RYR1: variants seen among roughly 807,000 people sequenced by gnomAD.
The protein encoded by RYR1 is ryanodine receptor 1, also known as central core disease of muscle.
In RYR1, 342 loss-of-function variants were observed where a neutral mutation model predicts 583.5. The ratio of observed to expected loss-of-function variants is 0.59; its 90% CI spans 0.54 to 0.64. RYR1 has a LOEUF of 0.64. RYR1 is among the 30% of genes least tolerant of loss of function. RYR1 has a pLI of 0.00. For missense variants in RYR1, 6,032 were observed against 6,917.2 expected, an observed-to-expected ratio of 0.87 and a Z score of 4.54; for synonymous variants, 2,791 against 2,822.5, an observed-to-expected ratio of 0.99 and a Z score of 0.35.
At chr19:38,477,078 A>G (rs113316384) in intron 29 of RYR1, among the ~76,000 whole-genome samples, 31 of 152,238 alleles carry the variant, frequency 2.0e-4, no homozygotes, top group African/African-American at 7.0e-4. Context: ...AAGAAGAAGA[A>G]GAAGGAAAGA....
chr19:38,547,710 A>G (rs1601001628), intron 88 of RYR1, among the ~76,000 whole-genome samples: 1 of 145,364 alleles, frequency 6.9e-6, no homozygotes, highest in Non-Finnish European at 1.5e-5. Context: ...AGCGTACATC[A>G]TCATTATCTT....
chr19:38,508,603 G>A (rs1318527132), intron 58 of RYR1, among the ~76,000 whole-genome samples: 1 of 152,224 alleles, frequency 6.6e-6, no homozygotes, highest in Admixed American at 6.5e-5. Context: ...GAGAGGAGCT[G>A]TGTGGACCTC....
rs34097444 is a variant in RYR1, at chr19:38,459,219, G to A, written c.2241G>A (p.Leu747=). 1,442 of 1,614,166 alleles carry A rather than the reference G, an allele frequency of 8.9e-4. 11 individuals are homozygous for A. In the African/African-American group the frequency reaches 0.015, roughly 17 times the overall value. The change falls in exon 19 of 106, where the codon CTG becomes CTA. Residue 747 remains leucine (L), a synonymous_variant. Transcript: ENST00000359596. The stretch of plus-strand genomic sequence containing the variant: ...CTGAAGACGTGATCAGCTGCTGCCT[G>A]GACCTCAGCGTGCCGTCCATCTCCT... ...LAPEDVISCC[L]DLSVPSISFR... is the part of the protein sequence containing the mutation.
At position 38,537,894 on chromosome 19, in the gene RYR1, G is replaced by A. The variant is rs764309886; in HGVS notation, c.11623G>A (p.Ala3875Thr). ...INRQNGEKVM[A>T]DDEFTQDLFR... The stretch of plus-strand genomic sequence containing the variant: ...CTTCCACCTAGGAGAGAAGGTCATG[G>A]CGGATGATGAATTCACACAAGACCT... Residue 3875 changes from alanine to threonine, a missense_variant, in exon 84 of 106, where the codon GCG (alanine) becomes ACG (threonine). Physicochemically the swap from Ala to Thr is moderately conservative, Grantham distance 58. This residue lies in a region of RYR1 where 1,493 missense variants were observed against 1,715.5 expected (regional missense o/e 0.87). Transcript: ENST00000359596. 9 of 1,614,064 alleles carry A rather than the reference G, an allele frequency of 5.6e-6. No homozygotes were observed. The highest frequency in any genetic ancestry group is 7.6e-6 in the Non-Finnish European group (9 of 1,180,032).
At chr19:38,523,814 G>T in intron 69 of RYR1, 101 bp from the exon 70 acceptor site, 1 of 1,475,638 alleles carries the variant, frequency 6.8e-7, no homozygotes, top group Non-Finnish European at 9.5e-7. Context: ...ATGGCGGGTG[G>T]GGCAGAGGAG....
Position 38,528,685 on chromosome 19 carries a change from A to G in RYR1, c.11024A>G (p.Asp3675Gly). ...EDHSFEDRMI[D>G]DLSKAGEQEE... ...CACAGTTTTGAGGACCGCATGATAG[A>G]TGACCTTTCAGTGAGCTGGGACCCG... The change falls in exon 75 of 106, where the codon GAT (aspartate) becomes GGT (glycine). Residue 3675 changes from aspartate (D) to glycine (G), a missense_variant. Transcript: ENST00000359596. The G allele has an allele frequency of 6.2e-7, 1 of 1,614,140 alleles. No homozygotes were observed. Among genetic ancestry groups the G allele is most frequent in the Non-Finnish European group, 8.5e-7 (1 of 1,180,016 alleles).
rs773434736 is a variant in RYR1, at chr19:38,468,922, C to G, written c.3382-44C>G. 22 of 1,599,878 alleles carry G rather than the reference C, an allele frequency of 1.4e-5. No individual in the cohort carries two copies. The East Asian group carries it at 4.2e-4, about 31-fold the overall frequency. The stretch of plus-strand genomic sequence containing the variant: ...CCTGCTTCCTTATCTCTCCATTTCT[C>G]TGTGTGTCTCCCCACACCATGTCTT... On this transcript the variant is annotated intron_variant, in intron 25 of 105. Coordinates refer to ENST00000359596, the MANE Select transcript of RYR1 (RefSeq NM_000540.3).
At chr19:38,477,061 G>GA (rs1379041157) in intron 29 of RYR1, among the ~76,000 whole-genome samples, 1 of 149,782 alleles carries the variant, frequency 6.7e-6, no homozygotes, top group Non-Finnish European at 1.5e-5. Context: ...AATAAGGAAA[G>GA]AAAAAAAAGA....
In RYR1 at chr19:38,452,117, C is replaced by T. The variant is rs948965322; in HGVS notation, c.1244+232C>T. ...CAGCCTGGGCAGCATAGGGAGACCC[C>T]GCCTCTACCAAAAAAAAAAAAAAAA... On this transcript the variant is annotated intron_variant, in intron 12 of 105. Coordinates refer to ENST00000359596, the MANE Select transcript of RYR1 (RefSeq NM_000540.3). Among the ~76,000 whole-genome samples, 13 of 134,160 alleles carry T rather than the reference C, an allele frequency of 9.7e-5. No individual in the cohort carries two copies. In the East Asian group the frequency reaches 1.5e-3, roughly 15 times the overall value. The allele number at this position is 134,160 out of a possible 152,430, so 88.0% of individuals were successfully genotyped here.
At position 38,577,907 on chromosome 19, in the gene RYR1, C is replaced by G. The variant is rs759415568; in HGVS notation, c.14173-11C>G. The stretch of plus-strand genomic sequence containing the variant: ...AGCTGTGTCTACACAGCCTGATGCT[C>G]TCTTGTGCAGGTCCTGGACAAACAT... On this transcript the variant is annotated splice_polypyrimidine_tract_variant and intron_variant, in intron 97 of 105. Transcript: ENST00000359596. The G allele has an allele frequency of 2.5e-6, 4 of 1,614,092 alleles. No individual in the cohort carries two copies. Among genetic ancestry groups the G allele is most frequent in the East Asian group, 4.5e-5 (2 of 44,880 alleles).
At position 38,510,729 on chromosome 19, in the gene RYR1, G is replaced by A. The variant is rs759007399; in HGVS notation, c.9070G>A (p.Val3024Met). ...CTATTTCTTGTCCACTCCGGCTAAA[G>A]TGCTGGGCAGCGGTGGCCACGCCTC... is the stretch of plus-strand genomic sequence containing the variant. ...CLYFLSTPAK[V>M]LGSGGHASNK... Residue 3024 changes from valine to methionine, a missense_variant, in exon 60 of 106, where the codon GTG (valine) becomes ATG (methionine). Physicochemically the swap from Val to Met is conservative, Grantham distance 21 (BLOSUM62 1). Coordinates refer to ENST00000359596, the MANE Select transcript of RYR1 (RefSeq NM_000540.3). 6.8e-6 allele frequency: 11 copies of A among 1,613,992 alleles called. No homozygotes were observed. The African/African-American group carries it at 8.0e-5, about 12-fold the overall frequency.
At chr19:38,535,261 A>G (rs1194924466) in intron 80 of RYR1, 41 bp downstream of exon 80, 2 of 1,613,418 alleles carry the variant, frequency 1.2e-6, no homozygotes, top group African/African-American at 2.7e-5. Flanking sequence ...GCAAGGAGGG[A>G]TGAGAGGTTC....
intron 63 of RYR1, 91 bp from the exon 64 acceptor site, chr19:38,514,935 A>AC: frequency 1.2e-6 from 1 of 836,378 alleles, no homozygotes; most frequent in Non-Finnish European, 2.0e-6. Context: ...GCTCTTCCCC[A>AC]CTGCATGGGC....
At chr19:38,443,670 G>A (rs556659687) in intron 4 of RYR1, 38 bp downstream of exon 4, 5 of 1,613,746 alleles carry the variant, frequency 3.1e-6, no homozygotes, top group Non-Finnish European at 4.2e-6. Context: ...AGGGGCCAGG[G>A]CATGTGGGGC....
chr19:38,464,278 G>GAAAAAAAAAAA (rs547288253), intron 22 of RYR1, among the ~76,000 whole-genome samples: 21 of 64,242 alleles, frequency 3.3e-4, no homozygotes, highest in Non-Finnish European at 4.6e-4. Flanking sequence ...CACCGTTTCA[G>GAAAAAAAAAAA]AAAAAAAAAA....
chr19:38,515,497 T>G (rs1371639919), intron 64 of RYR1, among the ~76,000 whole-genome samples: 3 of 152,170 alleles, frequency 2.0e-5, no homozygotes, highest in Non-Finnish European at 2.9e-5. Context: ...TCTGAAGTTA[T>G]TCAGATTTCA....
chr19:38,507,954 TCTA>T (rs1970554814), intron 58 of RYR1, 127 bp downstream of exon 58: 1 of 692,038 alleles, frequency 1.4e-6, no homozygotes. Flanking sequence ...TTATTGAGCT[TCTA>T]CTATGTGCCA....
intron 57 of RYR1, 45 bp from the exon 58 acceptor site, chr19:38,507,667 A>G: frequency 8.1e-7 from 1 of 1,235,116 alleles, no homozygotes. Flanking sequence ...GGGAAACTGT[A>G]GGGCCGGCGT....
chr19:38,505,629 A>G (rs1970409209), intron 53 of RYR1, among the ~76,000 whole-genome samples, 177 bp from the exon 54 acceptor site: 1 of 152,112 alleles, frequency 6.6e-6, no homozygotes, highest in Admixed American at 6.5e-5. Context: ...TCAAGTGTCT[A>G]ATGGGATAAG....
Sources: allele counts gnomAD v4.1 joint callset (sites outside exome capture counted in the v4.1 genomes callset), GRCh38; gene constraint gnomAD v4.1.1; regional missense constraint gnomAD v4.1.1; transcripts MANE v1.5; gene names NCBI Gene and HGNC (gene_info 2026-07-23, HGNC 2026-07-21).